Variants in SCN7A observed in about 807,000 individuals in gnomAD.
SCN7A encodes sodium channel protein type 7 subunit alpha.
In SCN7A, 138 loss-of-function variants were observed where a neutral mutation model predicts 155.2. The observed-to-expected ratio is 0.89, with a 90% CI of 0.77 to 1.02. SCN7A has a LOEUF of 1.02. SCN7A is among the 50% of genes least tolerant of loss of function. The probability of loss-of-function intolerance (pLI) is 0.00; values close to 1 mark genes in which losing one functional copy is unlikely to be tolerated. For missense variants in SCN7A, 2,058 were observed against 1,986.6 expected (o/e 1.04, Z -0.68); for synonymous variants, 693 against 649.0 (o/e 1.07, Z -1.03).
At chr2:166,442,833 T>C (rs1701988681) in intron 14 of SCN7A, among the ~76,000 whole-genome samples, 1 of 152,184 alleles carries the variant, frequency 6.6e-6, no homozygotes, top group Non-Finnish European at 1.5e-5. Flanking sequence ...CTCTTATTCA[T>C]TAGAAAAGGT....
chr2:166,421,337 T>C (rs1462305554), intron 19 of SCN7A, 40 bp from the exon 20 acceptor site: 11 of 1,123,524 alleles, frequency 9.8e-6, no homozygotes, highest in Non-Finnish European at 1.1e-5. Context: ...TAGGATTCCA[T>C]ATTAATCAAA....
intron 1 of SCN7A, among the ~76,000 whole-genome samples, chr2:166,490,395 G>A (rs1683067146): frequency 1.3e-5 from 2 of 152,070 alleles, no homozygotes; most frequent in Admixed American, 6.6e-5. Flanking sequence ...TTGGCATAAT[G>A]TCTTCCAGGT....
Position 166,409,665 on chromosome 2 carries a change from C to T in SCN7A, c.3982G>A (p.Gly1328Arg). Residue 1328 changes from glycine to arginine, a missense_variant and splice_region_variant, in exon 25 of 26, where the codon GGA (glycine) becomes AGA (arginine). By Grantham distance (125) the Gly-to-Arg change is moderately radical (BLOSUM62 -2). Coordinates refer to ENST00000643258, the MANE Select transcript of SCN7A (RefSeq NM_002976.4). ...AAAATTTGACTAAACAAAATCTTAC[C>T]TGTGATGGAGAAAATAACCACCATA... The part of the protein sequence containing the change: ...DFMVVIFSIT[G>R]LCLPMTVGSY... 3 of 1,488,448 alleles carry T rather than the reference C, an allele frequency of 2.0e-6. No individual in the cohort carries two copies. Among genetic ancestry groups the T allele is most frequent in the Non-Finnish European group, 2.7e-6 (3 of 1,121,044 alleles). 92.2% of individuals were successfully genotyped at this position (1,488,448 alleles called of 1,614,324 possible). A position where few individuals can be genotyped will look rare whatever the true frequency, so the allele number is the denominator to read the frequency against.
chr2:166,423,005 CA>C (rs1299441809), intron 19 of SCN7A, among the ~76,000 whole-genome samples: 2 of 152,024 alleles, frequency 1.3e-5, no homozygotes, highest in Non-Finnish European at 2.9e-5. Context: ...TACTGTGCAA[CA>C]AACTTACATG....
intron 3 of SCN7A, among the ~76,000 whole-genome samples, chr2:166,475,123 T>C (rs755307441): frequency 0.12 from 14,818 of 121,150 alleles, 890 homozygotes; most frequent in African/African-American, 0.13. Flanking sequence ...TATATATACA[T>C]ATATATATAT....
chr2:166,425,165 T>G (rs79397058), intron 18 of SCN7A, among the ~76,000 whole-genome samples: 1 of 152,056 alleles, frequency 6.6e-6, no homozygotes, highest in African/African-American at 2.4e-5. Flanking sequence ...GAGTCTTTCT[T>G]GAGGATTATG....
At chr2:166,426,674 T>A (rs556266106) in intron 18 of SCN7A, among the ~76,000 whole-genome samples, 1 of 152,078 alleles carries the variant, frequency 6.6e-6, no homozygotes, top group Non-Finnish European at 1.5e-5. Flanking sequence ...AACTAATCTA[T>A]GGCAGTTGAA....
intron 3 of SCN7A, among the ~76,000 whole-genome samples, chr2:166,475,055 C>A (rs891700536): frequency 2.8e-5 from 3 of 107,884 alleles, no homozygotes; most frequent in East Asian, 4.7e-4. Flanking sequence ...TGTAAATGAG[C>A]AAGTTTGCAT....
At chr2:166,492,266 T>A (rs145744567) in intron 1 of SCN7A, among the ~76,000 whole-genome samples, 2 of 152,216 alleles carry the variant, frequency 1.3e-5, no homozygotes, top group African/African-American at 2.4e-5. Flanking sequence ...CAAATTGAGT[T>A]CTTTCTTCTA....
intron 3 of SCN7A, among the ~76,000 whole-genome samples, chr2:166,477,203 C>A (rs570073923): frequency 6.6e-6 from 1 of 151,974 alleles, no homozygotes; most frequent in Admixed American, 6.6e-5. Flanking sequence ...ATTTCACTTA[C>A]ATTAAGGCAT....
At position 166,443,557 on chromosome 2, in the gene SCN7A, T is replaced by C. The variant is rs764379189; in HGVS notation, c.1746A>G (p.Ile582Met). The C allele has an allele frequency of 3.2e-5, 51 of 1,595,486 alleles. No individual in the cohort carries two copies. Among genetic ancestry groups the C allele is most frequent in the Admixed American group, 8.7e-5 (5 of 57,296 alleles). The change falls in exon 14 of 26, where the codon ATA (isoleucine) becomes ATG (methionine). Residue 582 changes from isoleucine to methionine, a missense_variant. By Grantham distance (10) the Ile-to-Met change is conservative. Coordinates refer to ENST00000643258, the MANE Select transcript of SCN7A (RefSeq NM_002976.4). The part of the protein sequence containing the change: ...FDSMIVFHGL[I>M]ELCLANVAGM... ...CTGCAACATTTGCTAGACAAAGTTC[T>C]ATTAAACCATGGAACACTATCATGC...
chr2:166,419,242 G>GT (rs1340684122), intron 20 of SCN7A, among the ~76,000 whole-genome samples: 12 of 151,918 alleles, frequency 7.9e-5, no homozygotes, highest in East Asian at 1.9e-4. Flanking sequence ...TTACTTAGGG[G>GT]GGTGTGTGTG....
Position 166,405,683 on chromosome 2 carries a change from G to C in SCN7A, c.4946C>G (p.Ser1649Ter). ...GTCACCATCTATCATATGAATATCT[G>C]ATGTATTTTTGTCATTTCGCCTCAA... The part of the protein sequence containing the change: ...YRLRRNDKNT[S>*]DIHMIDGDRD... Residue 1649 changes from serine (S) to a stop codon, truncating the protein, a stop_gained, in exon 26 of 26, where the codon TCA becomes TGA. Coordinates refer to ENST00000643258, the MANE Select transcript of SCN7A (RefSeq NM_002976.4). LOFTEE classifies it low-confidence loss of function (END_TRUNC). 3 of 1,612,946 alleles carry C rather than the reference G, an allele frequency of 1.9e-6. No homozygotes were observed. Among genetic ancestry groups the C allele is most frequent in the Non-Finnish European group, 2.5e-6 (3 of 1,179,278 alleles).
chr2:166,411,827 G>A (rs1011920538), intron 23 of SCN7A, among the ~76,000 whole-genome samples: 4 of 151,990 alleles, frequency 2.6e-5, no homozygotes, highest in Middle Eastern at 3.2e-3. Context: ...TTTACACATG[G>A]CTAAAGTTTG....
At chr2:166,442,333 G>A (rs903834118) in intron 14 of SCN7A, among the ~76,000 whole-genome samples, 34 of 152,062 alleles carry the variant, frequency 2.2e-4, no homozygotes, top group Middle Eastern at 3.4e-3. Context: ...ACTTACTGTC[G>A]ATTAGATCTC....
intron 3 of SCN7A, 149 bp downstream of exon 3, chr2:166,477,314 T>C: frequency 1.7e-6 from 1 of 595,008 alleles, no homozygotes; most frequent in East Asian, 3.1e-5. Flanking sequence ...GTTCCCAAAA[T>C]GAGATATCTT....
At position 166,441,543 on chromosome 2, in the gene SCN7A, G is replaced by A; in HGVS notation, c.2010C>T (p.His670=). Residue 670 remains histidine (H), a synonymous_variant, in exon 15 of 26, where the codon CAC becomes CAT. Coordinates refer to ENST00000643258, the MANE Select transcript of SCN7A (RefSeq NM_002976.4). ...IDKDCQLPRW[H]MHDFFHSFLN... is the part of the protein sequence containing the mutation. ...GGAAGGAGTGGAAAAAGTCATGCATGTGCCAGCGTGGGAGTTGACAGTCTT... is the reference window on the plus strand; with the variant it reads ...GGAAGGAGTGGAAAAAGTCATGCATATGCCAGCGTGGGAGTTGACAGTCTT... 1 of 1,614,102 alleles carries A rather than the reference G, an allele frequency of 6.2e-7. No individual in the cohort carries two copies. Among genetic ancestry groups the A allele is most frequent in the Non-Finnish European group, 8.5e-7 (1 of 1,179,980 alleles).
chr2:166,485,600 T>C (rs1314220532), intron 2 of SCN7A, among the ~76,000 whole-genome samples: 1 of 152,104 alleles, frequency 6.6e-6, no homozygotes, highest in Non-Finnish European at 1.5e-5. Context: ...ATGACAGTGA[T>C]AAAGGCAATA....
At chr2:166,423,549 G>A in intron 18 of SCN7A, 117 bp from the exon 19 acceptor site, 3 of 1,142,030 alleles carry the variant, frequency 2.6e-6, no homozygotes, top group Non-Finnish European at 3.5e-6. Context: ...CACTGTCAGA[G>A]ATTGTAGGCT....
Sources: allele counts gnomAD v4.1 joint callset (sites outside exome capture counted in the v4.1 genomes callset), GRCh38; gene constraint gnomAD v4.1.1; transcripts MANE v1.5; gene names NCBI Gene and HGNC (gene_info 2026-07-23, HGNC 2026-07-21).